UBXN6: variants seen among roughly 807,000 people sequenced by gnomAD.
UBXN6 encodes the protein UBX domain protein 6, also known as UBX domain-containing protein 6.
In UBXN6, 44 loss-of-function variants were observed where a neutral mutation model predicts 51.4. That is an observed-to-expected ratio of 0.86 (90% confidence interval 0.67 to 1.10). UBXN6 has a LOEUF of 1.10. Ranked by LOEUF, UBXN6 falls within the 50% of genes least tolerant of loss-of-function variation. The probability of loss-of-function intolerance (pLI) is 0.00; values close to 1 mark genes in which losing one functional copy is unlikely to be tolerated. For missense variants in UBXN6, 672 were observed against 596.1 expected, an observed-to-expected ratio of 1.13 and a Z score of -1.32; for synonymous variants, 316 against 263.2, an observed-to-expected ratio of 1.20 and a Z score of -1.94.
intron 4 of UBXN6, 142 bp downstream of exon 4, chr19:4,452,222 G>C (rs1266835597): frequency 1.7e-6 from 2 of 1,170,774 alleles, no homozygotes; most frequent in Non-Finnish European, 1.2e-6. Flanking sequence ...CCTGGATTTG[G>C]GGTATCAGAG....
In UBXN6 at chr19:4,455,297, C is replaced by T. The variant is rs996574200; in HGVS notation, c.84-1204G>A. 5.1e-6 allele frequency: 5 copies of T among 985,442 alleles called. No homozygotes were observed. The African/African-American group carries it at 5.2e-5, about 10-fold the overall frequency. 61.0% of individuals were successfully genotyped at this position (985,442 alleles called of 1,614,324 possible). ...AGGCTCTCAGTTCAAGCCCTATACT[C>T]CTCTGGCTCTGCTTACATACCCGGG... On this transcript the variant is annotated intron_variant, in intron 1 of 10. Transcript: ENST00000301281.
At position 4,453,974 on chromosome 19, in the gene UBXN6, G is replaced by A. The variant is rs1974699509; in HGVS notation, c.203C>T (p.Ser68Phe). The A allele has an allele frequency of 6.2e-7, 1 of 1,611,328 alleles. No individual in the cohort carries two copies. The highest frequency in any genetic ancestry group is 8.5e-7 in the Non-Finnish European group (1 of 1,179,828). The change falls in exon 2 of 11, where the codon TCC (serine) becomes TTC (phenylalanine). Residue 68 changes from serine (S) to phenylalanine (F), a missense_variant. Physicochemically the swap from Ser to Phe is radical, Grantham distance 155 (BLOSUM62 -2). Transcript: ENST00000301281. Reference sequence around the variant, plus strand: ...CTGCGATGTGGGGCCCCAGGCCCGGGACTGCTTCTGCTCCAGCCGGGCTAG... The same window carrying A: ...CTGCGATGTGGGGCCCCAGGCCCGGAACTGCTTCTGCTCCAGCCGGGCTAG... ...AALARLEQKQ[S>F]RAWGPTSQDT...
chr19:4,445,719 C>A, intron 10 of UBXN6, 96 bp from the exon 11 acceptor site: 1 of 1,536,240 alleles, frequency 6.5e-7, no homozygotes, highest in Non-Finnish European at 8.7e-7. Flanking sequence ...ATGCCCCGGC[C>A]TGGAAGCCAT....
Position 4,445,019 on chromosome 19 carries a change from C to A in UBXN6, c.*479G>T. On this transcript the variant is annotated 3_prime_UTR_variant, in exon 11 of 11. Coordinates refer to ENST00000301281, the MANE Select transcript of UBXN6 (RefSeq NM_025241.3). The stretch of plus-strand genomic sequence containing the variant: ...GAACCAAGAAACTATATTCAAACAA[C>A]CTGTTTATTTGGGCTTATGATTTAC... The A allele has an allele frequency of 6.2e-6, 1 of 160,276 alleles. No homozygotes were observed. Among genetic ancestry groups the A allele is most frequent in the Non-Finnish European group, 1.4e-5 (1 of 72,964 alleles). The allele number at this position is 160,276 out of a possible 1,614,324, so 9.9% of individuals were successfully genotyped here.
intron 9 of UBXN6, 35 bp downstream of exon 9, chr19:4,446,248 C>T: frequency 6.4e-7 from 1 of 1,570,728 alleles, no homozygotes; most frequent in Non-Finnish European, 8.6e-7. Context: ...CCCTACCAAC[C>T]CGAGCCGCCC....
chr19:4,454,693 G>A (rs1262949067), intron 1 of UBXN6: 2 of 152,268 alleles, frequency 1.3e-5, no homozygotes, highest in Admixed American at 6.5e-5. Context: ...TGGGATTATA[G>A]GCATGAGCCA....
Position 4,446,418 on chromosome 19 carries a change from A to G in UBXN6, c.921-5T>C, listed in dbSNP as rs1389171929. 5 of 1,577,608 alleles carry G rather than the reference A, an allele frequency of 3.2e-6. No individual in the cohort carries two copies. The highest frequency in any genetic ancestry group is 4.3e-6 in the Non-Finnish European group (5 of 1,168,390). ...AGCCGCTCCACCGCCTCGGACCTGC[A>G]CACGCGGGCCAGGTCACGAGGGCTG... On this transcript the variant is annotated splice_polypyrimidine_tract_variant and splice_region_variant and intron_variant, in intron 8 of 10. Coordinates refer to ENST00000301281, the MANE Select transcript of UBXN6 (RefSeq NM_025241.3).
At position 4,445,415 on chromosome 19, in the gene UBXN6, C is replaced by T. The variant is rs1974485090; in HGVS notation, c.*83G>A. 6.3e-7 allele frequency: 1 copy of T among 1,586,116 alleles called. No homozygotes were observed. The highest frequency in any genetic ancestry group is 8.6e-7 in the Non-Finnish European group (1 of 1,163,356). On this transcript the variant is annotated 3_prime_UTR_variant, in exon 11 of 11. Transcript: ENST00000301281. ...CAGAGCCAAGTATTTCCAGAGGTGG[C>T]TTGGAGGCCCTGGGGTGGCGGGGAG...
rs375914270 is a variant in UBXN6 at position 4,446,599 on chromosome 19, C to T, written c.821G>A (p.Arg274His). ...CAGGGGCGAGGGCTGGAAGACGCGG[C>T]GCTGCCTGTCCAGCTTGGCGCGCAC... is the stretch of plus-strand genomic sequence containing the variant. ...EPVRAKLDRQ[R>H]RVFQPSPLAS... Residue 274 changes from arginine (R) to histidine (H), a missense_variant, in exon 8 of 11, where the codon CGC becomes CAC. Coordinates refer to ENST00000301281, the MANE Select transcript of UBXN6 (RefSeq NM_025241.3). 8 of 1,612,608 alleles carry T rather than the reference C, an allele frequency of 5.0e-6. No homozygotes were observed. Among genetic ancestry groups the T allele is most frequent in the South Asian group, 2.2e-5 (2 of 91,072 alleles).
upstream of UBXN6, chr19:4,457,820 A>C (rs1974764511): frequency 3.7e-6 from 2 of 539,722 alleles, no homozygotes; most frequent in Non-Finnish European, 2.7e-6. Context: ...AAAAAAAAAA[A>C]AAATTTACCT....
intron 10 of UBXN6, 116 bp from the exon 11 acceptor site, chr19:4,445,739 TGGA>T: frequency 6.7e-7 from 1 of 1,497,470 alleles, no homozygotes; most frequent in African/African-American, 1.4e-5. Context: ...TCTCAGCTGG[TGGA>T]GGCTGTGGCT....
chr19:4,452,189 A>G (rs1974663926), intron 4 of UBXN6, among the ~76,000 whole-genome samples, 175 bp downstream of exon 4: 2 of 151,074 alleles, frequency 1.3e-5, no homozygotes, highest in Admixed American at 1.3e-4. Context: ...GAGAGGAGAT[A>G]CAGATGCATA....
In UBXN6 at chr19:4,445,301, G is replaced by A. The variant is rs939949100; in HGVS notation, c.*197C>T. Reference sequence around the variant, plus strand: ...AGGCCTCTCCCTCGGGGGCTTGGGCGCATCCCCACAGCCCCCAAGGGATGG... The same window carrying A: ...AGGCCTCTCCCTCGGGGGCTTGGGCACATCCCCACAGCCCCCAAGGGATGG... On this transcript the variant is annotated 3_prime_UTR_variant, in exon 11 of 11. Transcript: ENST00000301281. 49 of 856,194 alleles carry A rather than the reference G, an allele frequency of 5.7e-5. No individual in the cohort carries two copies. In the East Asian group the frequency reaches 8.6e-4, roughly 15 times the overall value. The allele number at this position is 856,194 out of a possible 1,614,324, so 53.0% of individuals were successfully genotyped here.
chr19:4,446,389 G>A lies in UBXN6; in HGVS notation c.945C>T (p.Ser315=), dbSNP rs771703000. The change falls in exon 9 of 11, where the codon AGC becomes AGT. Residue 315 remains serine (S), a synonymous_variant. Transcript: ENST00000301281. ...CCCGCATGGCCTTGGTCCGCAGCAC[G>A]CTCAGCCGCTCCACCGCCTCGGACC... ...RLRSEAVERL[S]VLRTKAMREK... is the part of the protein sequence containing the mutation. 7.0e-6 allele frequency: 11 copies of A among 1,577,310 alleles called. No individual in the cohort carries two copies. The Admixed American group carries it at 1.1e-4, about 15-fold the overall frequency.
rs999297813 is a variant in UBXN6 at position 4,445,782 on chromosome 19, G to A, written c.1201-159C>T. 19 of 1,246,822 alleles carry A rather than the reference G, an allele frequency of 1.5e-5. 1 individual carries two copies. The highest frequency in any genetic ancestry group is 9.0e-5 in the South Asian group (6 of 66,496). 77.2% of individuals were successfully genotyped at this position (1,246,822 alleles called of 1,614,324 possible). A position where few individuals can be genotyped will look rare whatever the true frequency, so the allele number is the denominator to read the frequency against. Reference sequence around the variant, plus strand: ...CCCAGGCCTCCTGCCCTCTCCCTCCGGGACTCCAGGACCTAAGCCTAAACC... The same window carrying A: ...CCCAGGCCTCCTGCCCTCTCCCTCCAGGACTCCAGGACCTAAGCCTAAACC... On this transcript the variant is annotated intron_variant, in intron 10 of 10. Transcript: ENST00000301281.
rs1599672027 is a variant in UBXN6 at position 4,446,066 on chromosome 19, A to G, written c.1183T>C (p.Leu395=). ...ACACTCACCAGCCCGCACTCGTTCA[A>G]GGCCAGGTTCTCGTCCTCGGACAGC... ...QKLSEDENLA[L]NECGLVPSAL... The change falls in exon 10 of 11, where the codon TTG becomes CTG. Residue 395 remains leucine, a synonymous_variant. Coordinates refer to ENST00000301281, the MANE Select transcript of UBXN6 (RefSeq NM_025241.3). 1.2e-6 allele frequency: 2 copies of G among 1,612,390 alleles called. No individual in the cohort carries two copies. The highest frequency in any genetic ancestry group is 4.5e-5 in the East Asian group (2 of 44,862).
In UBXN6 at chr19:4,446,562, G is replaced by T. The variant is rs372052682; in HGVS notation, c.858C>A (p.Phe286Leu). ...VFQPSPLASQ[F>L]ELPGDFFNLT... Reference sequence around the variant, plus strand: ...GGTTGAAGAAGTCCCCAGGCAGTTCGAACTGCGAGGCCAGGGGCGAGGGCT... The same window carrying T: ...GGTTGAAGAAGTCCCCAGGCAGTTCTAACTGCGAGGCCAGGGGCGAGGGCT... Residue 286 changes from phenylalanine to leucine, a missense_variant, in exon 8 of 11, where the codon TTC (phenylalanine) becomes TTA (leucine). Coordinates refer to ENST00000301281, the MANE Select transcript of UBXN6 (RefSeq NM_025241.3). The T allele has an allele frequency of 1.2e-6, 2 of 1,612,466 alleles. No individual in the cohort carries two copies. Among genetic ancestry groups the T allele is most frequent in the East Asian group, 2.2e-5 (1 of 44,868 alleles).
chr19:4,447,800 A>T (rs1047918211), intron 5 of UBXN6, 175 bp from the exon 6 acceptor site: 1 of 647,464 alleles, frequency 1.5e-6, no homozygotes, highest in Non-Finnish European at 2.8e-6. Flanking sequence ...CACACCTCGG[A>T]CACCCCATGG....
intron 4 of UBXN6, 22 bp downstream of exon 4, chr19:4,452,339 CAGG>C (rs1274390432): frequency 2.5e-6 from 4 of 1,609,434 alleles, no homozygotes; most frequent in Non-Finnish European, 3.4e-6. Flanking sequence ...CAGGTTGGGG[CAGG>C]AGCACACAGG....
Sources: allele counts gnomAD v4.1 joint callset (sites outside exome capture counted in the v4.1 genomes callset), GRCh38; gene constraint gnomAD v4.1.1; transcripts MANE v1.5; gene names NCBI Gene and HGNC (gene_info 2026-07-23, HGNC 2026-07-21).